The following SUN2 variants were observed in gnomAD, a reference collection of about 807,000 sequenced individuals.
SUN2 encodes SUN domain-containing protein 2.
Under a neutral mutation model 100.0 loss-of-function variants are expected in SUN2, and 60 were observed. The ratio of observed to expected loss-of-function variants is 0.60; its 90% CI spans 0.49 to 0.74. The LOEUF is 0.74. Among genes scored for constraint, SUN2 ranks in the 30% least tolerant of loss-of-function variants. The pLI, the probability that SUN2 is intolerant of heterozygous loss-of-function variation, is 0.00. For synonymous variants in SUN2, 367 were observed against 403.3 expected (o/e 0.91, Z 1.08); for missense variants, 834 against 954.6 (o/e 0.87, Z 1.66).
At chr22:38,743,741 T>G (rs2092879362) in intron 8 of SUN2, 1 of 152,246 alleles carries the variant, frequency 6.6e-6, no homozygotes, top group Non-Finnish European at 1.5e-5. Context: ...ATTCATTTTT[T>G]TAACTTACCC....
chr22:38,745,552 T>C (rs2092897013), intron 8 of SUN2, 132 bp downstream of exon 8: 3 of 1,223,986 alleles, frequency 2.5e-6, no homozygotes, highest in East Asian at 2.3e-5. Context: ...TTCTGTGCCT[T>C]GTAAGATGGC....
At position 38,737,672 on chromosome 22, in the gene SUN2, A is replaced by T; in HGVS notation, c.2040+501T>A. The T allele has an allele frequency of 2.8e-6, 1 of 351,280 alleles. No homozygotes were observed. Among genetic ancestry groups the T allele is most frequent in the South Asian group, 2.1e-5 (1 of 46,658 alleles). 21.8% of individuals were successfully genotyped at this position (351,280 alleles called of 1,614,324 possible). On this transcript the variant is annotated intron_variant, in intron 17 of 17. Coordinates refer to ENST00000689035, the MANE Select transcript of SUN2 (RefSeq NM_015374.3). This position sits in a 1 kb window ranked among gnomAD's most constrained non-coding sequence, Gnocchi z 4.1. ...CTCCCCCGGTGTGGGGCTTAGGCCA[A>T]TGGTTTGTTCAAATGCAGGCTCCTG...
At position 38,739,451 on chromosome 22, in the gene SUN2, G is replaced by T; in HGVS notation, c.1579-25C>A. The T allele has an allele frequency of 6.2e-7, 1 of 1,611,550 alleles. No homozygotes were observed. On this transcript the variant is annotated intron_variant, in intron 13 of 17. Transcript: ENST00000689035. This position sits in a 1 kb window ranked among gnomAD's most constrained non-coding sequence, Gnocchi z 6.7. ...GCTGCAATGCAGGCACCAGGAGACGGTTGCAGCAGGGAGCAGACGTGTCCC... is the reference window on the plus strand; with the variant it reads ...GCTGCAATGCAGGCACCAGGAGACGTTTGCAGCAGGGAGCAGACGTGTCCC...
intron 1 of SUN2, among the ~76,000 whole-genome samples, chr22:38,753,302 ACCT>A (rs1275359399): frequency 2.3e-5 from 3 of 132,846 alleles, no homozygotes; most frequent in Non-Finnish European, 4.6e-5. Flanking sequence ...TGCAACCTCT[ACCT>A]CCCAGGTTCA....
intron 9 of SUN2, 77 bp downstream of exon 9, chr22:38,742,224 T>A (rs1432554806): frequency 6.7e-7 from 1 of 1,497,478 alleles, no homozygotes; most frequent in Admixed American, 2.2e-5. Flanking sequence ...TGACACTTGT[T>A]CTCTCTGCTG....
rs41280839 is a variant in SUN2 at position 38,736,126 on chromosome 22, C to T, written c.*141G>A. 44 of 810,352 alleles carry T rather than the reference C, an allele frequency of 5.4e-5. No homozygotes were observed. The highest frequency in any genetic ancestry group is 2.2e-4 in the Middle Eastern group (1 of 4,484). 50.2% of individuals were successfully genotyped at this position (810,352 alleles called of 1,614,324 possible). On this transcript the variant is annotated 3_prime_UTR_variant, in exon 18 of 18. Coordinates refer to ENST00000689035, the MANE Select transcript of SUN2 (RefSeq NM_015374.3). ...CCACCTGCTGCTCAGGAGACCCTGC[C>T]CGTCCTTTTCATCTGCATGGGGCCA...
Position 38,737,117 on chromosome 22 carries a change from A to T in SUN2, c.2041-737T>A, listed in dbSNP as rs572484840. The stretch of plus-strand genomic sequence containing the variant: ...TCGCCTTGGCCTTGCAAAGTGCTGG[A>T]ATTACAGACATGAGCCACCTCGTCT... On this transcript the variant is annotated intron_variant, in intron 17 of 17. Transcript: ENST00000689035. This position sits in a 1 kb window ranked among gnomAD's most constrained non-coding sequence, Gnocchi z 4.1. Among the ~76,000 whole-genome samples the T allele has an allele frequency of 6.6e-6, 1 of 152,280 alleles. No homozygotes were observed. Among genetic ancestry groups the T allele is most frequent in the South Asian group, 2.1e-4 (1 of 4,822 alleles).
In SUN2 at chr22:38,743,069, G is replaced by A. The variant is rs768460077; in HGVS notation, c.814-514C>T. The stretch of plus-strand genomic sequence containing the variant: ...GAAAATACGTTCTTTTTCCTCTTTA[G>A]CTGGATGTCCCACAGAGAAAATGGA... On this transcript the variant is annotated intron_variant, in intron 8 of 17. Transcript: ENST00000689035. 1.1e-3 allele frequency: 161 copies of A among 152,774 alleles called. 1 individual carries two copies. The highest frequency in any genetic ancestry group is 9.1e-4 in the Non-Finnish European group (62 of 68,458). The allele number at this position is 152,774 out of a possible 1,614,324, so 9.5% of individuals were successfully genotyped here. A position where few individuals can be genotyped will look rare whatever the true frequency, so the allele number is the denominator to read the frequency against.
At chr22:38,748,141 C>T (rs369311147) in intron 7 of SUN2, among the ~76,000 whole-genome samples, 9 of 152,034 alleles carry the variant, frequency 5.9e-5, no homozygotes, top group East Asian at 5.8e-4. Flanking sequence ...ATGGAGAAAC[C>T]CCATCTCTAG....
chr22:38,742,455 A>G lies in SUN2; in HGVS notation c.914T>C (p.Leu305Pro). The G allele has an allele frequency of 1.2e-6, 2 of 1,613,654 alleles. No homozygotes were observed. The highest frequency in any genetic ancestry group is 1.7e-6 in the Non-Finnish European group (2 of 1,179,992). ...SSNWQKEAMR[L>P]ERLELRQGAP... ...CCCTTGCCGCAGCTCCAGACGTTCC[A>G]GCCGCATGGCCTCCTTCTGCCAGTT... Residue 305 changes from leucine to proline, a missense_variant, in exon 9 of 18, where the codon CTG (leucine) becomes CCG (proline). This residue lies in a region of SUN2 where 559 missense variants were observed against 597.7 expected (regional missense o/e 0.94). Coordinates refer to ENST00000689035, the MANE Select transcript of SUN2 (RefSeq NM_015374.3).
Position 38,736,102 on chromosome 22 carries a change from C to G in SUN2, c.*165G>C. ...CTGGAGCCTGCTAACCGCCTCGAGC[C>G]ACCTGCTGCTCAGGAGACCCTGCCC... On this transcript the variant is annotated 3_prime_UTR_variant, in exon 18 of 18. Transcript: ENST00000689035. The G allele has an allele frequency of 1.4e-6, 1 of 716,374 alleles. No homozygotes were observed. Among genetic ancestry groups the G allele is most frequent in the Non-Finnish European group, 2.5e-6 (1 of 396,218 alleles). 44.4% of individuals were successfully genotyped at this position (716,374 alleles called of 1,614,324 possible).
intron 2 of SUN2, 143 bp downstream of exon 2, chr22:38,752,364 G>C: frequency 9.9e-7 from 1 of 1,006,772 alleles, no homozygotes; most frequent in African/African-American, 1.6e-5. Context: ...GGACCCCCTC[G>C]ACCGGACGGG....
At chr22:38,743,411 A>G in intron 8 of SUN2, 1 of 152,164 alleles carries the variant, frequency 6.6e-6, no homozygotes, top group Non-Finnish European at 1.5e-5. Flanking sequence ...GTATGGCGAA[A>G]CCCTGTGTCT....
chr22:38,739,279 T>C lies in SUN2; in HGVS notation c.1663+63A>G. ...TCTGCCCCACCACCAACCTGGTAGA[T>C]GCCAGGGGACCGGCCATTGCGGGGT... On this transcript the variant is annotated intron_variant, in intron 14 of 17. Coordinates refer to ENST00000689035, the MANE Select transcript of SUN2 (RefSeq NM_015374.3). The surrounding 1 kb of genome is among the most constrained non-coding windows in gnomAD (Gnocchi z 6.7). 6.4e-7 allele frequency: 1 copy of C among 1,558,350 alleles called. No individual in the cohort carries two copies. The highest frequency in any genetic ancestry group is 8.8e-7 in the Non-Finnish European group (1 of 1,130,410).
At chr22:38,744,166 G>A (rs1160574435) in intron 8 of SUN2, among the ~76,000 whole-genome samples, 1 of 151,982 alleles carries the variant, frequency 6.6e-6, no homozygotes, top group East Asian at 1.9e-4. Context: ...CTTGAACCCG[G>A]GAGGTGTAGG....
At chr22:38,752,799 C>T in intron 1 of SUN2, 134 bp from the exon 2 acceptor site, 1 of 971,668 alleles carries the variant, frequency 1.0e-6, no homozygotes, top group Non-Finnish European at 1.5e-6. Flanking sequence ...CCCCGGCGTT[C>T]AGTCTAAACA....
Position 38,750,337 on chromosome 22 carries a change from C to T in SUN2, c.425-17G>A, listed in dbSNP as rs1330357408. The T allele has an allele frequency of 6.2e-7, 1 of 1,613,690 alleles. No homozygotes were observed. The highest frequency in any genetic ancestry group is 2.2e-5 in the East Asian group (1 of 44,862). ...CCGAGTAGCCTGCGGGGAACGAGGA[C>T]ACTGGCTCAGTCTCTGTCACTTTCG... On this transcript the variant is annotated splice_polypyrimidine_tract_variant and intron_variant, in intron 4 of 17. Coordinates refer to ENST00000689035, the MANE Select transcript of SUN2 (RefSeq NM_015374.3).
At chr22:38,747,031 C>A (rs1261350237) in intron 7 of SUN2, among the ~76,000 whole-genome samples, 6 of 147,860 alleles carry the variant, frequency 4.1e-5, no homozygotes, top group Non-Finnish European at 7.4e-5. Flanking sequence ...CCATCACACA[C>A]ACACAAAAAA....
intron 7 of SUN2, among the ~76,000 whole-genome samples, chr22:38,748,175 A>G (rs993864060): frequency 3.3e-5 from 5 of 149,456 alleles, no homozygotes; most frequent in African/African-American, 7.4e-5. Flanking sequence ...TTAGCTGGGC[A>G]TGTTGGCGCA....
Sources: gnomAD v4.1 joint callset for allele counts (sites outside exome capture counted in the v4.1 genomes callset) on GRCh38, gnomAD v4.1.1 for gene constraint, gnomAD v4.1.1 regional missense constraint, Gnocchi (gnomAD v3.1) non-coding constraint, MANE v1.5 for transcripts, NCBI Gene and HGNC (gene_info 2026-07-23, HGNC 2026-07-21) for gene names.